The following MUSK variants were observed in gnomAD, a reference collection of about 807,000 sequenced individuals.
MUSK encodes the protein muscle, skeletal receptor tyrosine-protein kinase.
Under a neutral mutation model 88.7 loss-of-function variants are expected in MUSK, and 55 were observed. That is an observed-to-expected ratio of 0.62 (90% CI 0.50 to 0.78). The LOEUF (loss-of-function observed/expected upper bound fraction) is 0.78. MUSK is among the 30% of genes least tolerant of loss of function. The probability of loss-of-function intolerance (pLI) is 0.00; values close to 1 mark genes in which losing one functional copy is unlikely to be tolerated. For synonymous variants in MUSK, 387 were observed against 391.9 expected (o/e 0.99, Z 0.15); for missense variants, 1,015 against 1,074.3 (o/e 0.94, Z 0.77).
At chr9:110,728,726 T>TC (rs754558792) in intron 5 of MUSK, 1 of 1,574,518 alleles carries the variant, frequency 6.4e-7, no homozygotes, top group African/African-American at 1.4e-5. Flanking sequence ...AGGTATTTTT[T>TC]TTTCTTTCTG....
intron 10 of MUSK, 109 bp downstream of exon 10, chr9:110,776,072 T>G: frequency 1.6e-6 from 2 of 1,286,716 alleles, no homozygotes; most frequent in African/African-American, 1.5e-5. Context: ...TTCTAATTTT[T>G]TTTTTTTGAG....
At chr9:110,747,190 A>C (rs1230603526) in intron 6 of MUSK, among the ~76,000 whole-genome samples, 2 of 152,208 alleles carry the variant, frequency 1.3e-5, no homozygotes, top group Non-Finnish European at 2.9e-5. Flanking sequence ...TGTGATCGGC[A>C]GATTGAAAAG....
chr9:110,715,336 G>A (rs1277805251), intron 5 of MUSK, among the ~76,000 whole-genome samples: 1 of 149,370 alleles, frequency 6.7e-6, no homozygotes, highest in Non-Finnish European at 1.5e-5. Context: ...TAATAACTAC[G>A]TTTTCTGGAT....
chr9:110,700,596 G>A (rs541906407), intron 5 of MUSK, among the ~76,000 whole-genome samples: 17 of 152,148 alleles, frequency 1.1e-4, no homozygotes, highest in East Asian at 7.7e-4. Flanking sequence ...TGTAGATCAC[G>A]TTGCATTGCA....
intron 1 of MUSK, among the ~76,000 whole-genome samples, chr9:110,674,225 C>T (rs3010817): frequency 0.21 from 31,694 of 151,904 alleles, 3,888 homozygotes; most frequent in African/African-American, 0.32. Flanking sequence ...TAGTAGCATC[C>T]TTCATATATT....
intron 14 of MUSK, among the ~76,000 whole-genome samples, chr9:110,791,269 C>T (rs1056635258): frequency 2.1e-5 from 3 of 140,518 alleles, no homozygotes; most frequent in East Asian, 2.1e-4. Flanking sequence ...GTGCGCGAGC[C>T]GAAGCAGGGC....
intron 8 of MUSK, among the ~76,000 whole-genome samples, chr9:110,763,979 G>T (rs1033390266): frequency 1.3e-5 from 2 of 152,166 alleles, no homozygotes; most frequent in African/African-American, 4.8e-5. Context: ...TGTTATAAAA[G>T]AAGTTGAAAA....
chr9:110,706,721 G>T (rs78705302), intron 5 of MUSK, among the ~76,000 whole-genome samples: 1 of 152,098 alleles, frequency 6.6e-6, no homozygotes, highest in Admixed American at 6.6e-5. Context: ...CTAGACCAGA[G>T]GGCCAACCAT....
At position 110,767,801 on chromosome 9, in the gene MUSK, T is replaced by C. The variant is rs2077507016; in HGVS notation, c.921-19T>C. On this transcript the variant is annotated intron_variant, in intron 8 of 14. Transcript: ENST00000374448. ...AGAAATAGCATGTGATTAGAAATGT[T>C]GTTCATTTCTTCTTTCAGTAAACCA... The C allele has an allele frequency of 1.2e-6, 2 of 1,612,792 alleles. No individual in the cohort carries two copies. Among genetic ancestry groups the C allele is most frequent in the Admixed American group, 1.7e-5 (1 of 59,962 alleles).
intron 5 of MUSK, among the ~76,000 whole-genome samples, chr9:110,721,626 A>G (rs1308733988): frequency 1.3e-5 from 2 of 152,200 alleles, no homozygotes; most frequent in East Asian, 3.9e-4. Context: ...TCCCGTGCTC[A>G]TAGATAGGTA....
intron 5 of MUSK, among the ~76,000 whole-genome samples, chr9:110,714,690 A>G (rs1046481075): frequency 1.3e-5 from 2 of 152,200 alleles, no homozygotes; most frequent in Non-Finnish European, 2.9e-5. Context: ...AGGGTTTGAG[A>G]AAAGAAGTAT....
At chr9:110,784,486 T>C (rs575487695) in intron 11 of MUSK, among the ~76,000 whole-genome samples, 48 of 152,288 alleles carry the variant, frequency 3.2e-4, no homozygotes, top group Admixed American at 2.0e-3. Flanking sequence ...TGTAATTATG[T>C]GAAAATATTT....
intron 8 of MUSK, 91 bp downstream of exon 8, chr9:110,762,299 T>G: frequency 9.8e-7 from 1 of 1,023,668 alleles, no homozygotes; most frequent in East Asian, 2.8e-5. Flanking sequence ...GGTCTTGTGT[T>G]GCCCAGGCTG....
At chr9:110,746,110 G>A (rs887636715) in intron 6 of MUSK, among the ~76,000 whole-genome samples, 18 of 152,166 alleles carry the variant, frequency 1.2e-4, no homozygotes, top group Admixed American at 1.1e-3. Context: ...AAGCAGCCAA[G>A]CTCAGGCCAA....
intron 1 of MUSK, among the ~76,000 whole-genome samples, chr9:110,678,526 AT>A (rs1429783823): frequency 4.6e-5 from 7 of 151,734 alleles, no homozygotes; most frequent in Admixed American, 4.6e-4. Flanking sequence ...GGGGCATTAT[AT>A]TTTTTTCAGA....
chr9:110,740,013 A>G (rs753070009), intron 6 of MUSK, among the ~76,000 whole-genome samples: 5 of 152,158 alleles, frequency 3.3e-5, no homozygotes, highest in Non-Finnish European at 5.9e-5. Context: ...GGACACTTTA[A>G]TATCCACATC....
intron 3 of MUSK, among the ~76,000 whole-genome samples, chr9:110,693,851 A>G (rs565789289): frequency 6.6e-6 from 1 of 152,258 alleles, no homozygotes; most frequent in African/African-American, 2.4e-5. Flanking sequence ...TGTCATAGGA[A>G]TATCAAGTGC....
intron 3 of MUSK, among the ~76,000 whole-genome samples, chr9:110,691,811 T>C (rs963292076): frequency 6.6e-6 from 1 of 152,160 alleles, no homozygotes; most frequent in Non-Finnish European, 1.5e-5. Context: ...ATTAGGTACT[T>C]TTTTCAGAGT....
intron 5 of MUSK, among the ~76,000 whole-genome samples, chr9:110,700,257 CT>C (rs1222923146): frequency 6.6e-6 from 1 of 152,154 alleles, no homozygotes; most frequent in Non-Finnish European, 1.5e-5. Context: ...CACTAAAAGT[CT>C]GTAACAAGGG....
Sources: gnomAD v4.1 joint callset for allele counts (sites outside exome capture counted in the v4.1 genomes callset) on GRCh38, gnomAD v4.1.1 for gene constraint, MANE v1.5 for transcripts, NCBI Gene and HGNC (gene_info 2026-07-23, HGNC 2026-07-21) for gene names.